ASTN2: variants seen among roughly 807,000 people sequenced by gnomAD.
ASTN2 encodes the protein astrotactin 2.
In ASTN2, 54 loss-of-function variants were observed where a neutral mutation model predicts 139.8. That is an observed-to-expected ratio of 0.39 (90% confidence interval 0.31 to 0.48). The LOEUF (loss-of-function observed/expected upper bound fraction) is 0.48. ASTN2 is among the 20% of genes least tolerant of loss of function. ASTN2 has a pLI of 0.95. For synonymous variants in ASTN2, 756 were observed against 719.5 expected (o/e 1.05, Z -0.81); for missense variants, 1,565 against 1,725.1 (o/e 0.91, Z 1.64).
intron 19 of ASTN2, among the ~76,000 whole-genome samples, chr9:116,509,620 C>A (rs1443977995): frequency 6.6e-6 from 1 of 152,186 alleles, no homozygotes; most frequent in Non-Finnish European, 1.5e-5. Flanking sequence ...TTTACTCTCC[C>A]ACCAACAGTA....
In ASTN2 at chr9:116,493,970, G is replaced by GCT. The variant is rs377688692; in HGVS notation, c.3356-6472_3356-6471dup. Among the ~76,000 whole-genome samples, 363 of 152,230 alleles carry GCT rather than the reference G, an allele frequency of 2.4e-3. 2 individuals carry two copies. Among genetic ancestry groups the GCT allele is most frequent in the African/African-American group, 8.4e-3 (349 of 41,526 alleles). On this transcript the variant is annotated intron_variant, in intron 19 of 22. Coordinates refer to ENST00000313400, the MANE Select transcript of ASTN2 (RefSeq NM_001365068.1). ...GTCATGGTGCCCAGGGAGAAGCAGA[G>GCT]CTCTCTCTGCATTTCCTTTACTTGG...
chr9:117,266,665 T>C (rs1246187398), intron 2 of ASTN2, among the ~76,000 whole-genome samples: 1 of 152,230 alleles, frequency 6.6e-6, no homozygotes, highest in Non-Finnish European at 1.5e-5. Flanking sequence ...GTGCATTTTT[T>C]CTCCTTCCTT....
intron 13 of ASTN2, among the ~76,000 whole-genome samples, chr9:116,789,956 TA>T (rs1463008377): frequency 1.4e-5 from 2 of 144,506 alleles, no homozygotes; most frequent in Admixed American, 7.0e-5. Flanking sequence ...GATAGAGTCT[TA>T]CTCTGTCACC....
chr9:116,944,751 C>T (rs1835340120), intron 10 of ASTN2, among the ~76,000 whole-genome samples: 2 of 150,628 alleles, frequency 1.3e-5, no homozygotes, highest in South Asian at 4.2e-4. Flanking sequence ...TTTGGGAAGC[C>T]ATAAACAATT....
At chr9:116,626,161 T>G (rs797022188) in intron 17 of ASTN2, among the ~76,000 whole-genome samples, 1 of 120,834 alleles carries the variant, frequency 8.3e-6, no homozygotes, top group South Asian at 2.8e-4. Context: ...TGTGTTTTTT[T>G]TTTTTTTTTT....
intron 17 of ASTN2, 72 bp from the exon 18 acceptor site, chr9:116,620,515 G>C: frequency 6.3e-7 from 1 of 1,587,246 alleles, no homozygotes; most frequent in Admixed American, 1.7e-5. Context: ...TGTGCTGATG[G>C]CCATGATGTG....
chr9:117,141,568 T>G, intron 3 of ASTN2, 90 bp from the exon 4 acceptor site: 29 of 1,205,568 alleles, frequency 2.4e-5, no homozygotes, highest in Non-Finnish European at 3.1e-5. Flanking sequence ...TGAGCCCACC[T>G]TCAGCCCCTA....
intron 10 of ASTN2, among the ~76,000 whole-genome samples, chr9:116,967,671 C>T (rs948184714): frequency 6.6e-6 from 1 of 152,192 alleles, no homozygotes; most frequent in Non-Finnish European, 1.5e-5. Context: ...TTGCTCACCT[C>T]CAACAGGACA....
intron 13 of ASTN2, among the ~76,000 whole-genome samples, chr9:116,788,403 CAT>C (rs1830437030): frequency 6.6e-6 from 1 of 152,128 alleles, no homozygotes; most frequent in Admixed American, 6.5e-5. Context: ...ACAGTGAGCA[CAT>C]ATGTCAAAAC....
At chr9:116,566,186 T>G (rs530280883) in intron 19 of ASTN2, among the ~76,000 whole-genome samples, 1 of 152,350 alleles carries the variant, frequency 6.6e-6, no homozygotes, top group South Asian at 2.1e-4. Flanking sequence ...CATTTCTCAC[T>G]AATTCTGCTT....
chr9:116,997,849 T>C (rs1837069700), intron 7 of ASTN2, among the ~76,000 whole-genome samples: 1 of 152,190 alleles, frequency 6.6e-6, no homozygotes. Flanking sequence ...GTCACTTCAA[T>C]GTTCATGTAC....
chr9:117,002,483 G>A (rs1209450532), intron 7 of ASTN2, among the ~76,000 whole-genome samples: 1 of 152,162 alleles, frequency 6.6e-6, no homozygotes, highest in Non-Finnish European at 1.5e-5. Context: ...TGTTGGAGAT[G>A]TGTTGGAATA....
intron 10 of ASTN2, among the ~76,000 whole-genome samples, chr9:116,947,944 T>A (rs1338576919): frequency 4.2e-5 from 4 of 94,624 alleles, no homozygotes; most frequent in African/African-American, 1.3e-4. Context: ...AGTCTTTAAA[T>A]TCAGAATGTG....
intron 4 of ASTN2, among the ~76,000 whole-genome samples, chr9:117,103,390 T>C (rs1048967352): frequency 6.6e-6 from 1 of 152,144 alleles, no homozygotes; most frequent in Non-Finnish European, 1.5e-5. Flanking sequence ...CTAGATGGCA[T>C]AGATATTTGG....
At chr9:116,914,498 G>T (rs1834390502) in intron 10 of ASTN2, among the ~76,000 whole-genome samples, 2 of 151,646 alleles carry the variant, frequency 1.3e-5, no homozygotes, top group Non-Finnish European at 2.9e-5. Context: ...TAAAATAATA[G>T]AGTGACCCTT....
intron 11 of ASTN2, among the ~76,000 whole-genome samples, chr9:116,852,313 T>A (rs1832627705): frequency 6.6e-6 from 1 of 152,296 alleles, no homozygotes; most frequent in South Asian, 2.1e-4. Flanking sequence ...ATGGATCAGA[T>A]TAGAGGGGCT....
intron 21 of ASTN2, among the ~76,000 whole-genome samples, chr9:116,441,323 CT>C (rs1414149427): frequency 6.6e-6 from 1 of 151,900 alleles, no homozygotes; most frequent in East Asian, 2.0e-4. Flanking sequence ...ATCAAAGTAA[CT>C]TCAATACATC....
intron 13 of ASTN2, among the ~76,000 whole-genome samples, chr9:116,777,935 C>T (rs1322102078): frequency 2.6e-5 from 4 of 151,998 alleles, no homozygotes; most frequent in African/African-American, 7.2e-5. Context: ...CTCCACCTCC[C>T]GGGTTCAAGC....
chr9:116,605,578 T>C (rs1406885815), intron 19 of ASTN2, among the ~76,000 whole-genome samples: 14 of 152,174 alleles, frequency 9.2e-5, no homozygotes, highest in Admixed American at 9.2e-4. Context: ...ATCCTTACAC[T>C]GAGGGTGGCG....
Sources: allele counts gnomAD v4.1 joint callset (sites outside exome capture counted in the v4.1 genomes callset), GRCh38; gene constraint gnomAD v4.1.1; transcripts MANE v1.5; gene names NCBI Gene and HGNC (gene_info 2026-07-23, HGNC 2026-07-21).